Variants in TBX5 observed in about 807,000 individuals in gnomAD.
TBX5 encodes the protein T-box transcription factor 5, also known as T-box transcription factor TBX5.
In TBX5, 8 loss-of-function variants were observed where a neutral mutation model predicts 51.1. The ratio of observed to expected loss-of-function variants is 0.16; its 90% confidence interval spans 0.09 to 0.28. TBX5 has a LOEUF of 0.28. TBX5 is among the 10% of genes least tolerant of loss of function. The pLI is 1.00. For missense variants in TBX5, 589 were observed against 671.7 expected, an observed-to-expected ratio of 0.88 and a Z score of 1.36; for synonymous variants, 302 against 266.4, an observed-to-expected ratio of 1.13 and a Z score of -1.30.
intron 7 of TBX5, among the ~76,000 whole-genome samples, chr12:114,381,369 C>G (rs1421737741): frequency 1.3e-5 from 2 of 152,124 alleles, no homozygotes; most frequent in Non-Finnish European, 2.9e-5. Context: ...TAGCAGTGAG[C>G]CTGCCGTTCC....
chr12:114,405,816 T>G lies in TBX5; in HGVS notation c.-227A>C, dbSNP rs1872180582. 8.1e-6 allele frequency: 8 copies of G among 985,448 alleles called. No individual in the cohort carries two copies. The highest frequency in any genetic ancestry group is 1.7e-5 in the African/African-American group (1 of 57,226). 61.0% of individuals were successfully genotyped at this position (985,448 alleles called of 1,614,324 possible). A position where few individuals can be genotyped will look rare whatever the true frequency, so the allele number is the denominator to read the frequency against. ...GGAGCCTCCGCGGCGACTGCCCACC[T>G]CCAACACACACCTCCTCTGCTGTGC... On this transcript the variant is annotated 5_prime_UTR_variant, in exon 1 of 9. Coordinates refer to ENST00000405440, the MANE Select transcript of TBX5 (RefSeq NM_181486.4).
At chr12:114,378,995 C>G (rs1172011072) in intron 7 of TBX5, among the ~76,000 whole-genome samples, 1 of 152,168 alleles carries the variant, frequency 6.6e-6, no homozygotes, top group Admixed American at 6.5e-5. Context: ...TCTGAACACC[C>G]TGAGTCTGCC....
chr12:114,363,116 T>C (rs752890429), intron 8 of TBX5, among the ~76,000 whole-genome samples: 4 of 152,156 alleles, frequency 2.6e-5, no homozygotes, highest in Non-Finnish European at 4.4e-5. Flanking sequence ...CTGTGGATGA[T>C]CTCATTTCCC....
intron 7 of TBX5, among the ~76,000 whole-genome samples, chr12:114,376,273 A>C (rs1039997489): frequency 7.2e-6 from 1 of 138,834 alleles, no homozygotes. Context: ...GTGTATATAT[A>C]TACACACACA....
At chr12:114,396,113 CG>C (rs1006721169) in intron 5 of TBX5, among the ~76,000 whole-genome samples, 13 of 151,980 alleles carry the variant, frequency 8.6e-5, no homozygotes, top group Non-Finnish European at 1.5e-4. Context: ...AGTCCGGCCC[CG>C]ATCGAGTGGA....
intron 3 of TBX5, among the ~76,000 whole-genome samples, chr12:114,401,061 C>T (rs1871782603): frequency 6.6e-6 from 1 of 152,088 alleles, no homozygotes; most frequent in Non-Finnish European, 1.5e-5. Context: ...GTGGCCAGGA[C>T]GTCCCCAGGC....
chr12:114,385,104 CAA>C (rs4007268), intron 7 of TBX5, among the ~76,000 whole-genome samples: 96 of 141,926 alleles, frequency 6.8e-4, no homozygotes, highest in African/African-American at 6.6e-4. Flanking sequence ...GAGCTGTTGC[CAA>C]AAAAAAAAAA....
chr12:114,374,946 T>C (rs1255797507), intron 7 of TBX5, among the ~76,000 whole-genome samples: 2 of 152,086 alleles, frequency 1.3e-5, no homozygotes, highest in African/African-American at 4.8e-5. Flanking sequence ...TGGAGGGATA[T>C]GTGGTAGAGC....
intron 6 of TBX5, among the ~76,000 whole-genome samples, chr12:114,386,764 C>T (rs1160622275): frequency 6.6e-6 from 1 of 152,050 alleles, no homozygotes; most frequent in African/African-American, 2.4e-5. Context: ...ACTGAGACTC[C>T]CTCTCTAATA....
intron 7 of TBX5, among the ~76,000 whole-genome samples, chr12:114,376,439 A>G (rs1870193529): frequency 6.6e-6 from 1 of 152,202 alleles, no homozygotes; most frequent in Admixed American, 6.6e-5. Flanking sequence ...AATCTAAAAT[A>G]GTCAAACCTG....
At chr12:114,358,292 A>G (rs934871088) in intron 8 of TBX5, among the ~76,000 whole-genome samples, 1 of 152,192 alleles carries the variant, frequency 6.6e-6, no homozygotes, top group Non-Finnish European at 1.5e-5. Flanking sequence ...GCATGTCCTC[A>G]ATCCCAGTCT....
Position 114,406,105 on chromosome 12 carries a change from GCA to G in TBX5, c.-518_-517del, listed in dbSNP as rs1456960118. On this transcript the variant is annotated 5_prime_UTR_variant, in exon 1 of 9. Coordinates refer to ENST00000405440, the MANE Select transcript of TBX5 (RefSeq NM_181486.4). ...CTGAAATACAAGCCAACTCAGCTGAGCACAGTGACGTTGGGTTGCCTCGATGC... is the reference window on the plus strand; with the variant it reads ...CTGAAATACAAGCCAACTCAGCTGAGCAGTGACGTTGGGTTGCCTCGATGC... 2.2e-6 allele frequency: 2 copies of G among 909,794 alleles called. No individual in the cohort carries two copies. Among genetic ancestry groups the G allele is most frequent in the African/African-American group, 3.6e-5 (2 of 55,488 alleles). 56.4% of individuals were successfully genotyped at this position (909,794 alleles called of 1,614,324 possible). A position where few individuals can be genotyped will look rare whatever the true frequency, so the allele number is the denominator to read the frequency against.
At chr12:114,389,911 A>G (rs1871067003) in intron 6 of TBX5, among the ~76,000 whole-genome samples, 1 of 152,030 alleles carries the variant, frequency 6.6e-6, no homozygotes, top group South Asian at 2.1e-4. Context: ...CATGAGAATT[A>G]GTGCTCAGTC....
At chr12:114,363,751 A>G (rs1344442381) in intron 8 of TBX5, among the ~76,000 whole-genome samples, 3 of 152,216 alleles carry the variant, frequency 2.0e-5, no homozygotes, top group Non-Finnish European at 2.9e-5. Flanking sequence ...CAGTTTCCCC[A>G]TTGATAAAGT....
chr12:114,403,361 G>T (rs567092944), intron 2 of TBX5, among the ~76,000 whole-genome samples: 2 of 152,338 alleles, frequency 1.3e-5, no homozygotes, highest in East Asian at 3.9e-4. Context: ...GGCCTGAATC[G>T]GCCGCTGACC....
intron 8 of TBX5, among the ~76,000 whole-genome samples, chr12:114,358,973 T>A (rs1353280615): frequency 6.6e-6 from 1 of 152,156 alleles, no homozygotes; most frequent in Non-Finnish European, 1.5e-5. Flanking sequence ...ACCAGGGTGT[T>A]ACCCTTTTCA....
chr12:114,366,478 CAGA>C, intron 7 of TBX5, 87 bp from the exon 8 acceptor site: 1 of 1,330,488 alleles, frequency 7.5e-7, no homozygotes, highest in Non-Finnish European at 1.1e-6. Context: ...GAGAATCCAC[CAGA>C]AAAGTCACAG....
At chr12:114,381,033 A>G (rs1252296161) in intron 7 of TBX5, among the ~76,000 whole-genome samples, 1 of 152,144 alleles carries the variant, frequency 6.6e-6, no homozygotes, top group Non-Finnish European at 1.5e-5. Context: ...GCTTTCCCAT[A>G]GCTCCCAAAT....
intron 7 of TBX5, among the ~76,000 whole-genome samples, chr12:114,381,369 C>T (rs1421737741): frequency 6.6e-6 from 1 of 152,124 alleles, no homozygotes; most frequent in East Asian, 1.9e-4. Context: ...TAGCAGTGAG[C>T]CTGCCGTTCC....
Sources: allele counts gnomAD v4.1 joint callset (sites outside exome capture counted in the v4.1 genomes callset), GRCh38; gene constraint gnomAD v4.1.1; transcripts MANE v1.5; gene names NCBI Gene and HGNC (gene_info 2026-07-23, HGNC 2026-07-21).